The following CTBP2 variants were observed in gnomAD, a reference collection of about 807,000 sequenced individuals.
CTBP2 encodes the protein C-terminal binding protein 2, also known as C-terminal-binding protein 2.
In CTBP2, 30 loss-of-function variants were observed where a neutral mutation model predicts 80.3. The observed-to-expected ratio is 0.37, with a 90% confidence interval of 0.28 to 0.51. The LOEUF (loss-of-function observed/expected upper bound fraction) is 0.51. Among genes scored for constraint, CTBP2 ranks in the 20% least tolerant of loss-of-function variants. The pLI is 0.93. For synonymous variants in CTBP2, 594 were observed against 587.4 expected (o/e 1.01, Z -0.16); for missense variants, 1,212 against 1,375.3 (o/e 0.88, Z 1.88).
chr10:125,117,711 C>T (rs1853577804), intron 1 of CTBP2, among the ~76,000 whole-genome samples: 1 of 152,198 alleles, frequency 6.6e-6, no homozygotes, highest in African/African-American at 2.4e-5. Context: ...TATTCCTTCC[C>T]GAGATTCAAT....
intron 1 of CTBP2, among the ~76,000 whole-genome samples, chr10:125,130,293 G>A (rs913878934): frequency 1.2e-4 from 19 of 152,086 alleles, no homozygotes; most frequent in African/African-American, 4.3e-4. Context: ...GGTGATCCAC[G>A]CACCTCTGCC....
intron 2 of CTBP2, among the ~76,000 whole-genome samples, chr10:125,040,671 T>C (rs1174189016): frequency 6.7e-6 from 1 of 148,940 alleles, no homozygotes; most frequent in Non-Finnish European, 1.5e-5. Context: ...AGAGGAGAGA[T>C]AAAGATAAAA....
chr10:125,135,272 ACC>A, intron 1 of CTBP2, among the ~76,000 whole-genome samples: 1 of 151,422 alleles, frequency 6.6e-6, no homozygotes, highest in Admixed American at 6.6e-5. Context: ...CCGCTCCACC[ACC>A]CTCTCTCCCT....
At chr10:124,990,262 C>T (rs1392423034) in intron 8 of CTBP2, among the ~76,000 whole-genome samples, 3 of 152,070 alleles carry the variant, frequency 2.0e-5, no homozygotes, top group African/African-American at 4.8e-5. Context: ...CCAGGATGGT[C>T]TCAATCTCCC....
At chr10:125,013,318 T>G (rs1956130585) in intron 1 of CTBP2, among the ~76,000 whole-genome samples, 1 of 152,164 alleles carries the variant, frequency 6.6e-6, no homozygotes. Flanking sequence ...TGTGCCACAG[T>G]AATTAGACAC....
chr10:125,030,472 A>G (rs961167509), upstream of CTBP2, among the ~76,000 whole-genome samples: 4 of 152,232 alleles, frequency 2.6e-5, no homozygotes, highest in African/African-American at 9.6e-5. Flanking sequence ...CAGTTCCAGA[A>G]GAGCTGGGAA....
chr10:125,153,248 C>T (rs563495895), intron 1 of CTBP2, among the ~76,000 whole-genome samples: 135 of 152,332 alleles, frequency 8.9e-4, no homozygotes, highest in Middle Eastern at 3.4e-3. Flanking sequence ...AGAGCTCTCT[C>T]GGGCCCTGCC....
intron 1 of CTBP2, among the ~76,000 whole-genome samples, chr10:125,115,428 A>C (rs1853078339): frequency 6.6e-6 from 1 of 152,230 alleles, no homozygotes; most frequent in Non-Finnish European, 1.5e-5. Flanking sequence ...GGAAAGAACA[A>C]GGAGTTAGCA....
Position 125,073,020 on chromosome 10 carries a change from C to T in CTBP2, c.-101-33865G>A, listed in dbSNP as rs572102606. 3.3e-5 allele frequency among the ~76,000 whole-genome samples: 5 copies of T among 152,348 alleles called. No individual in the cohort carries two copies. The South Asian group carries it at 8.3e-4, about 25-fold the overall frequency. Reference sequence around the variant, plus strand: ...ATGGCAAACAGCTGAGATCCCACCTCCAGAGCCCAAGAACACAGTGTCAGA... The same window carrying T: ...ATGGCAAACAGCTGAGATCCCACCTTCAGAGCCCAAGAACACAGTGTCAGA... On this transcript the variant is annotated intron_variant, in intron 2 of 10. Transcript: ENST00000337195.
intron 2 of CTBP2, among the ~76,000 whole-genome samples, chr10:125,042,543 G>A (rs776066722): frequency 2.0e-5 from 3 of 152,224 alleles, no homozygotes; most frequent in Non-Finnish European, 4.4e-5. Context: ...TGCCAGGGGC[G>A]GAATCGTGGG....
At chr10:125,052,769 T>C (rs1054696698) in intron 2 of CTBP2, among the ~76,000 whole-genome samples, 1 of 152,206 alleles carries the variant, frequency 6.6e-6, no homozygotes, top group African/African-American at 2.4e-5. Context: ...CGGTTCCTGC[T>C]TGGCGGCAGC....
chr10:125,004,395 G>A (rs1295186774), intron 1 of CTBP2, among the ~76,000 whole-genome samples: 1 of 152,202 alleles, frequency 6.6e-6, no homozygotes, highest in Non-Finnish European at 1.5e-5. Flanking sequence ...TTTATTCTGT[G>A]CAGCAAACCC....
chr10:125,015,428 G>A (rs895357251), intron 1 of CTBP2, among the ~76,000 whole-genome samples: 3 of 152,248 alleles, frequency 2.0e-5, no homozygotes, highest in Admixed American at 1.3e-4. Context: ...GAAACGTGAC[G>A]TCTGTTTTTG....
chr10:125,041,176 G>A (rs1959629298), intron 2 of CTBP2, among the ~76,000 whole-genome samples: 1 of 152,170 alleles, frequency 6.6e-6, no homozygotes, highest in Non-Finnish European at 1.5e-5. Flanking sequence ...CAACCTCCCA[G>A]GCTCAAGCAA....
intron 1 of CTBP2, among the ~76,000 whole-genome samples, chr10:125,018,872 G>A (rs866546915): frequency 6.6e-6 from 1 of 152,238 alleles, no homozygotes; most frequent in Non-Finnish European, 1.5e-5. Flanking sequence ...AGCACACCCA[G>A]GGTGCTAACT....
intron 2 of CTBP2, among the ~76,000 whole-genome samples, chr10:125,088,676 G>GTT (rs1248098466): frequency 6.6e-6 from 1 of 152,176 alleles, no homozygotes; most frequent in South Asian, 2.1e-4. Context: ...AAATTACACA[G>GTT]TAAGTGTTTC....
chr10:125,085,406 T>C (rs1177891012), intron 2 of CTBP2, among the ~76,000 whole-genome samples: 2 of 152,184 alleles, frequency 1.3e-5, no homozygotes, highest in Non-Finnish European at 2.9e-5. Context: ...CTCTCTGTAA[T>C]GACAATGAAA....
At chr10:125,044,154 G>T (rs1314270580) in intron 2 of CTBP2, among the ~76,000 whole-genome samples, 1 of 152,166 alleles carries the variant, frequency 6.6e-6, no homozygotes, top group African/African-American at 2.4e-5. Context: ...CTGAGCCTGG[G>T]ATCCCAAACG....
chr10:125,149,201 T>G (rs1565045853), intron 1 of CTBP2, among the ~76,000 whole-genome samples: 1 of 152,110 alleles, frequency 6.6e-6, no homozygotes, highest in African/African-American at 2.4e-5. Context: ...GAAATGACCA[T>G]TCATGGGAAC....
Sources: gnomAD v4.1 joint callset for allele counts (sites outside exome capture counted in the v4.1 genomes callset) on GRCh38, gnomAD v4.1.1 for gene constraint, MANE v1.5 for transcripts, NCBI Gene and HGNC (gene_info 2026-07-23, HGNC 2026-07-21) for gene names.